The following TAF1 variants were observed in gnomAD, a reference collection of about 807,000 sequenced individuals.
The protein encoded by TAF1 is transcription initiation factor TFIID subunit 1.
TAF1 carries 2 observed loss-of-function variants against 138.5 expected under a neutral mutation model. That is an observed-to-expected ratio of 0.01 (90% confidence interval 0.01 to 0.05). TAF1 has a LOEUF of 0.05. Among genes scored for constraint, TAF1 ranks in the 10% least tolerant of loss-of-function variants. The pLI is 1.00. For synonymous variants in TAF1, 437 were observed against 503.2 expected (o/e 0.87, Z 1.76); for missense variants, 709 against 1,478.0 (o/e 0.48, Z 8.53).
At chrX:71,468,660 G>C (rs2038817395), downstream of TAF1, among the ~76,000 whole-genome samples, 1 of 103,746 alleles carries the variant, frequency 9.6e-6, no homozygotes, top group Admixed American at 1.0e-4. Context: ...ACTCCAGCCT[G>C]GGCGACAAAG....
intron 26 of TAF1, 57 bp downstream of exon 26, chrX:71,406,803 C>T: frequency 1.0e-6 from 1 of 972,592 alleles, no homozygotes; most frequent in Non-Finnish European, 1.5e-6. Flanking sequence ...TTCCCCAGCC[C>T]TGTATGCCAC....
intron 14 of TAF1, 30 bp from the exon 15 acceptor site, chrX:71,387,231 A>G (rs1268970730): frequency 1.2e-5 from 15 of 1,202,128 alleles, no homozygotes; most frequent in South Asian, 1.8e-5. Context: ...GCTACTCTGT[A>G]TATAATTTTT....
intron 2 of TAF1, 36 bp downstream of exon 2, chrX:71,367,649 A>C: frequency 4.2e-6 from 5 of 1,181,851 alleles, no homozygotes; most frequent in Non-Finnish European, 5.7e-6. Flanking sequence ...GCGGGGGAGG[A>C]GGCTAGCCAC....
intron 1 of TAF1, 109 bp from the exon 2 acceptor site, chrX:71,367,390 C>T: frequency 1.1e-6 from 1 of 951,801 alleles, no homozygotes; most frequent in Non-Finnish European, 1.5e-6. Context: ...ACTGCACAGT[C>T]ATTTTTCATG....
At chrX:71,393,266 A>G (rs766912407) in intron 20 of TAF1, 35 bp from the exon 21 acceptor site, 808 of 1,051,416 alleles carry the variant, frequency 7.7e-4, no homozygotes, top group African/African-American at 1.6e-3. Flanking sequence ...GTGTGTGTGT[A>G]TATTTATATT....
intron 25 of TAF1, among the ~76,000 whole-genome samples, chrX:71,403,168 A>G (rs1280068384): frequency 9.1e-6 from 1 of 110,119 alleles, no homozygotes; most frequent in African/African-American, 3.3e-5. Context: ...AGTTGGGACT[A>G]CAGGTGTGCA....
At chrX:71,418,104 TC>T (rs1353841894) in intron 28 of TAF1, among the ~76,000 whole-genome samples, 3 of 112,202 alleles carry the variant, frequency 2.7e-5, no homozygotes, top group Non-Finnish European at 3.8e-5. Flanking sequence ...ATTTTTTTGT[TC>T]TATTTTTTGA....
intron 13 of TAF1, among the ~76,000 whole-genome samples, chrX:71,506,350 C>T (rs2039625575): frequency 9.6e-6 from 1 of 103,748 alleles, no homozygotes; most frequent in Non-Finnish European, 2.0e-5. Context: ...CGCCACTGCA[C>T]TCCAGCCTGG....
chrX:71,367,681 G>C, intron 2 of TAF1, 68 bp downstream of exon 2: 4 of 1,116,145 alleles, frequency 3.6e-6, no homozygotes, highest in South Asian at 3.9e-5. Flanking sequence ...GTACTTTTTT[G>C]TGTGTGTAAG....
At chrX:71,487,658 C>T (rs746866022) in intron 13 of TAF1, among the ~76,000 whole-genome samples, 1 of 112,179 alleles carries the variant, frequency 8.9e-6, no homozygotes, top group South Asian at 3.7e-4. Flanking sequence ...TAGACATTGC[C>T]TTTTTTATCT....
intron 13 of TAF1, among the ~76,000 whole-genome samples, chrX:71,482,379 A>G (rs1467699507): frequency 3.6e-5 from 4 of 112,149 alleles, no homozygotes; most frequent in Non-Finnish European, 7.5e-5. Context: ...ATTTTGGCAA[A>G]TAAGAAGTGG....
At chrX:71,423,361 A>G in intron 30 of TAF1, 122 bp downstream of exon 30, 1 of 1,031,269 alleles carries the variant, frequency 9.7e-7, no homozygotes, top group South Asian at 2.5e-5. Flanking sequence ...TGTGACTGGT[A>G]TGTGATTTTA....
intron 37 of TAF1, among the ~76,000 whole-genome samples, chrX:71,461,838 A>AC (rs997989889): frequency 8.1e-5 from 9 of 111,684 alleles, no homozygotes; most frequent in Non-Finnish European, 1.3e-4. Flanking sequence ...ATGCTAGGCA[A>AC]CCGCAGGGTT....
Position 71,463,521 on chromosome X carries a change from A to G in TAF1, c.5400-303A>G, listed in dbSNP as rs753359405. 2.7e-5 allele frequency among the ~76,000 whole-genome samples: 3 copies of G among 111,744 alleles called. 1 individual carries two copies. The highest frequency in any genetic ancestry group is 1.9e-4 in the Admixed American group (2 of 10,471). On this transcript the variant is annotated intron_variant, in intron 37 of 37. Transcript: ENST00000423759. ...ATCTTCAGGACTATTGACTAATTGG[A>G]TACTGTAAGTGGTAGATGAAACCAT...
downstream of TAF1, among the ~76,000 whole-genome samples, chrX:71,470,894 C>T (rs1283636609): frequency 9.2e-6 from 1 of 108,362 alleles, no homozygotes; most frequent in Non-Finnish European, 1.9e-5. Context: ...TGGCATGAAC[C>T]TGTGGTTCCA....
rs181276907 is a variant in TAF1, at chrX:71,526,577, T to A, written c.1367-1965T>A. On this transcript the variant is annotated intron_variant and NMD_transcript_variant, in intron 13 of 14. Coordinates refer to the TAF1 transcript ENST00000373775. Reference sequence around the variant, plus strand: ...AACCTTAAAATAATTTGGAAAACGATGTTCTAAAAGATATGTTGCAGATCT... The same window carrying A: ...AACCTTAAAATAATTTGGAAAACGAAGTTCTAAAAGATATGTTGCAGATCT... Among the ~76,000 whole-genome samples, 6 of 112,093 alleles carry A rather than the reference T, an allele frequency of 5.4e-5. No homozygotes were observed. In the East Asian group the frequency reaches 1.7e-3, roughly 31 times the overall value.
chrX:71,438,504 C>T (rs1266043749), intron 32 of TAF1, among the ~76,000 whole-genome samples: 1 of 111,886 alleles, frequency 8.9e-6, no homozygotes, highest in East Asian at 2.8e-4. Flanking sequence ...TAACGTCTCT[C>T]ACTATTTTCT....
At chrX:71,415,128 CTTTTTTTTT>C (rs1158533765) in intron 28 of TAF1, among the ~76,000 whole-genome samples, 2 of 51,642 alleles carry the variant, frequency 3.9e-5, no homozygotes, top group Admixed American at 2.1e-4. Flanking sequence ...AAAGTTTTGT[CTTTTTTTTT>C]TTTTTTTTTT....
chrX:71,423,566 G>T (rs1273313176), intron 30 of TAF1, among the ~76,000 whole-genome samples: 1 of 110,999 alleles, frequency 9.0e-6, no homozygotes, highest in Non-Finnish European at 1.9e-5. Flanking sequence ...TGATTTAGAG[G>T]TGCTTCTAAG....
Sources: allele counts gnomAD v4.1 joint callset (sites outside exome capture counted in the v4.1 genomes callset), GRCh38; gene constraint gnomAD v4.1.1; transcripts MANE v1.5; gene names NCBI Gene and HGNC (gene_info 2026-07-23, HGNC 2026-07-21).